GALNT11: variants seen among roughly 807,000 people sequenced by gnomAD.
GALNT11 encodes the protein polypeptide N-acetylgalactosaminyltransferase 11, also known as UDP-GalNAc:polypeptide N-acetylgalactosaminyltransferase 11.
A neutral mutation model predicts 72.7 loss-of-function variants in GALNT11; 47 were observed. The ratio of observed to expected loss-of-function variants is 0.65; its 90% CI spans 0.51 to 0.82. GALNT11 has a LOEUF of 0.82. Ranked by LOEUF, GALNT11 falls within the 40% of genes least tolerant of loss-of-function variation. The pLI is 0.00. For synonymous variants in GALNT11, 270 were observed against 286.6 expected, an observed-to-expected ratio of 0.94 and a Z score of 0.58; for missense variants, 677 against 778.4, an observed-to-expected ratio of 0.87 and a Z score of 1.55.
intron 1 of GALNT11, among the ~76,000 whole-genome samples, chr7:152,078,296 A>G (rs955705285): frequency 4.6e-5 from 7 of 152,088 alleles, no homozygotes; most frequent in African/African-American, 1.7e-4. Context: ...GCTTACCCCA[A>G]ATCCAAGTGA....
intron 1 of GALNT11, among the ~76,000 whole-genome samples, chr7:152,034,969 A>C (rs950223503): frequency 1.3e-5 from 2 of 152,160 alleles, no homozygotes; most frequent in African/African-American, 4.8e-5. Flanking sequence ...TCCAGTTAGT[A>C]TTGGGACTTT....
At chr7:152,078,077 C>T (rs181882759) in intron 1 of GALNT11, among the ~76,000 whole-genome samples, 1,600 of 151,718 alleles carry the variant, frequency 0.011, 44 homozygotes, top group Admixed American at 0.06. Context: ...GAAGAAACCT[C>T]TCTGAATGAA....
chr7:152,095,531 T>C (rs1313721163), intron 2 of GALNT11, among the ~76,000 whole-genome samples: 1 of 152,192 alleles, frequency 6.6e-6, no homozygotes, highest in Non-Finnish European at 1.5e-5. Flanking sequence ...GTCAAAAGTA[T>C]GTAAAATTTT....
intron 1 of GALNT11, among the ~76,000 whole-genome samples, chr7:152,053,722 G>A (rs1407416550): frequency 6.6e-6 from 1 of 152,142 alleles, no homozygotes; most frequent in African/African-American, 2.4e-5. Context: ...ACTTTGGCTG[G>A]GTGGCTCAAG....
At chr7:152,111,916 A>T (rs1427639050) in intron 7 of GALNT11, among the ~76,000 whole-genome samples, 1 of 152,192 alleles carries the variant, frequency 6.6e-6, no homozygotes, top group Non-Finnish European at 1.5e-5. Flanking sequence ...CACCCCATGT[A>T]TAGCTTACCA....
intron 2 of GALNT11, among the ~76,000 whole-genome samples, chr7:152,098,787 C>T (rs1193865978): frequency 6.6e-6 from 1 of 152,162 alleles, no homozygotes; most frequent in Non-Finnish European, 1.5e-5. Context: ...TGTGGAGTTT[C>T]TCTCCTTGTA....
At chr7:152,115,966 G>T (rs1378771056) in intron 8 of GALNT11, among the ~76,000 whole-genome samples, 1 of 152,162 alleles carries the variant, frequency 6.6e-6, no homozygotes, top group Non-Finnish European at 1.5e-5. Context: ...TGAGGCAGGA[G>T]AATCGCTTGA....
Position 152,104,985 on chromosome 7 carries a change from T to C in GALNT11, c.587-260T>C, listed in dbSNP as rs186006017. 4.1e-4 allele frequency: 99 copies of C among 242,884 alleles called. No homozygotes were observed. The Middle Eastern group carries it at 9.0e-3, about 22-fold the overall frequency. 15.0% of individuals were successfully genotyped at this position (242,884 alleles called of 1,614,324 possible). A position where few individuals can be genotyped will look rare whatever the true frequency, so the allele number is the denominator to read the frequency against. Reference sequence around the variant, plus strand: ...CAAACATTCTTTGTGCAAAGCATTGTGCTCGATGCTATGGAGATACAAATA... The same window carrying C: ...CAAACATTCTTTGTGCAAAGCATTGCGCTCGATGCTATGGAGATACAAATA... On this transcript the variant is annotated intron_variant, in intron 4 of 11. Transcript: ENST00000430044.
intron 1 of GALNT11, among the ~76,000 whole-genome samples, chr7:152,070,760 G>A (rs1241916208): frequency 4.6e-5 from 7 of 152,174 alleles, no homozygotes. Flanking sequence ...GTACATTTCT[G>A]AGGGGACCAT....
rs1265964611 is a variant in GALNT11, at chr7:152,105,457, G to A, written c.712+87G>A. On this transcript the variant is annotated intron_variant, in intron 5 of 11. Transcript: ENST00000430044. Reference sequence around the variant, plus strand: ...CCTGTCCTGATTCTGCAAAGTCTATGAAGAGTAGTGTTTCAAACGGACATT... The same window carrying A: ...CCTGTCCTGATTCTGCAAAGTCTATAAAGAGTAGTGTTTCAAACGGACATT... 4.0e-6 allele frequency: 6 copies of A among 1,518,376 alleles called. No individual in the cohort carries two copies. The East Asian group carries it at 6.9e-5, about 17-fold the overall frequency. 94.1% of individuals were successfully genotyped at this position (1,518,376 alleles called of 1,614,324 possible).
chr7:152,094,001 A>G lies in GALNT11; in HGVS notation c.-38-189A>G. 4.6e-6 allele frequency: 2 copies of G among 432,146 alleles called. No individual in the cohort carries two copies. The highest frequency in any genetic ancestry group is 6.9e-5 in the South Asian group (1 of 14,590). The allele number at this position is 432,146 out of a possible 1,614,324, so 26.8% of individuals were successfully genotyped here. A position where few individuals can be genotyped will look rare whatever the true frequency, so the allele number is the denominator to read the frequency against. ...GTTGGTTCTCTGAGCATTAACCCAC[A>G]GGCCTGAGGTTTTCATTGTTGAACC... On this transcript the variant is annotated intron_variant, in intron 1 of 11. Coordinates refer to ENST00000430044, the MANE Select transcript of GALNT11 (RefSeq NM_022087.4). The surrounding 1 kb of genome is among the most constrained non-coding windows in gnomAD (Gnocchi z 4.3).
chr7:152,068,739 G>C (rs1258723370), intron 1 of GALNT11, among the ~76,000 whole-genome samples: 5 of 151,920 alleles, frequency 3.3e-5, no homozygotes, highest in Non-Finnish European at 5.9e-5. Flanking sequence ...TAAAGAACCA[G>C]CTTTTGGTTT....
intron 10 of GALNT11, chr7:152,120,175 G>A (rs1446861064): frequency 1.3e-5 from 2 of 152,396 alleles, no homozygotes; most frequent in Non-Finnish European, 2.9e-5. Context: ...CACAGGCTAT[G>A]AGACAATAAC....
intron 1 of GALNT11, among the ~76,000 whole-genome samples, chr7:152,092,308 T>C (rs1178467779): frequency 1.3e-5 from 2 of 152,238 alleles, no homozygotes; most frequent in African/African-American, 4.8e-5. Context: ...TTTTTTGTCT[T>C]TTCATTTGCT....
At chr7:152,116,072 A>T (rs2088818090) in intron 8 of GALNT11, among the ~76,000 whole-genome samples, 2 of 152,086 alleles carry the variant, frequency 1.3e-5, no homozygotes, top group Admixed American at 1.3e-4. Flanking sequence ...AAATTTACTG[A>T]GGAGATCAGT....
chr7:152,117,579 T>C, intron 9 of GALNT11: 1 of 598,690 alleles, frequency 1.7e-6, no homozygotes, highest in South Asian at 2.1e-5. Flanking sequence ...CTTGCCGGCA[T>C]AGCTGCCTTC....
chr7:152,075,168 G>A (rs1444371010), intron 1 of GALNT11: 1 of 152,368 alleles, frequency 6.6e-6, no homozygotes, highest in African/African-American at 2.4e-5. Flanking sequence ...GGCTCTGGCA[G>A]TTTCTGCTCC....
intron 2 of GALNT11, 33 bp from the exon 3 acceptor site, chr7:152,100,765 T>C (rs761842320): frequency 2.5e-5 from 40 of 1,609,418 alleles, no homozygotes; most frequent in Non-Finnish European, 3.4e-5. Context: ...ACTTTCTAGA[T>C]TTAATTCGCT....
At chr7:152,111,699 A>T (rs182699756) in intron 7 of GALNT11, among the ~76,000 whole-genome samples, 3 of 152,130 alleles carry the variant, frequency 2.0e-5, no homozygotes, top group African/African-American at 7.2e-5. Context: ...TAAATTTAAA[A>T]TGTCTTAATG....
Sources: gnomAD v4.1 joint callset for allele counts (sites outside exome capture counted in the v4.1 genomes callset) on GRCh38, gnomAD v4.1.1 for gene constraint, Gnocchi (gnomAD v3.1) non-coding constraint, MANE v1.5 for transcripts, NCBI Gene and HGNC (gene_info 2026-07-23, HGNC 2026-07-21) for gene names.